DOK6: variants seen among roughly 807,000 people sequenced by gnomAD.
DOK6 encodes docking protein 6.
DOK6 carries 22 observed loss-of-function variants against 44.0 expected under a neutral mutation model. The observed-to-expected ratio is 0.50, with a 90% confidence interval of 0.36 to 0.71. The LOEUF is 0.71. DOK6 is among the 30% of genes least tolerant of loss of function. The pLI is 0.00. For missense variants in DOK6, 340 were observed against 416.4 expected (o/e 0.82, Z 1.60); for synonymous variants, 166 against 145.5 (o/e 1.14, Z -1.01).
chr18:69,697,475 T>C (rs182885478), intron 4 of DOK6, among the ~76,000 whole-genome samples: 64 of 152,324 alleles, frequency 4.2e-4, no homozygotes, highest in African/African-American at 1.4e-3. Flanking sequence ...ATGGCATAGA[T>C]GTATTTTATT....
intron 4 of DOK6, among the ~76,000 whole-genome samples, chr18:69,693,900 T>C (rs2144698754): frequency 6.6e-6 from 1 of 150,738 alleles, no homozygotes; most frequent in Non-Finnish European, 1.5e-5. Flanking sequence ...CTACTAAAAA[T>C]ACAAAAAAAT....
chr18:69,469,745 G>T, intron 1 of DOK6: 2 of 264,064 alleles, frequency 7.6e-6, no homozygotes, highest in South Asian at 6.8e-5. Flanking sequence ...GGACACGAGA[G>T]GCCAGGACGC....
rs1029872636 is a variant in DOK6, at chr18:69,841,874, A to G, written c.*491A>G. 6.3e-6 allele frequency: 1 copy of G among 158,176 alleles called. No homozygotes were observed. Among genetic ancestry groups the G allele is most frequent in the African/African-American group, 2.4e-5 (1 of 41,552 alleles). The allele number at this position is 158,176 out of a possible 1,614,324, so 9.8% of individuals were successfully genotyped here. ...TCTGCAAATGACATCGTAGCTGCATATAAATAAACCCAGTGACAATTAAAG... is the reference window on the plus strand; with the variant it reads ...TCTGCAAATGACATCGTAGCTGCATGTAAATAAACCCAGTGACAATTAAAG... On this transcript the variant is annotated 3_prime_UTR_variant, in exon 8 of 8. Transcript: ENST00000382713.
intron 2 of DOK6, among the ~76,000 whole-genome samples, chr18:69,568,038 C>G (rs1983027266): frequency 6.6e-6 from 1 of 152,226 alleles, no homozygotes; most frequent in Non-Finnish European, 1.5e-5. Flanking sequence ...CTCCCCGCGG[C>G]CTGCCTTCAG....
At position 69,659,511 on chromosome 18, in the gene DOK6, C is replaced by T. The variant is rs528598735; in HGVS notation, c.290-18223C>T. Among the ~76,000 whole-genome samples, 17 of 152,230 alleles carry T rather than the reference C, an allele frequency of 1.1e-4. 1 individual carries two copies. Among genetic ancestry groups the T allele is most frequent in the Admixed American group, 3.3e-4 (5 of 15,292 alleles). ...CCCCTGAGAAACTGAACATTGCTCACGTTTGCCAGCTGAATCCGGTTAATT... is the reference window on the plus strand; with the variant it reads ...CCCCTGAGAAACTGAACATTGCTCATGTTTGCCAGCTGAATCCGGTTAATT... On this transcript the variant is annotated intron_variant, in intron 3 of 7. Transcript: ENST00000382713.
chr18:69,720,196 A>AT (rs200164934), intron 5 of DOK6, among the ~76,000 whole-genome samples: 19 of 150,748 alleles, frequency 1.3e-4, no homozygotes, highest in Admixed American at 8.6e-4. Context: ...CAAAAAAAAA[A>AT]TTTTTTTTTT....
At chr18:69,532,916 T>A (rs1249864771) in intron 1 of DOK6, 2 of 152,156 alleles carry the variant, frequency 1.3e-5, no homozygotes, top group Admixed American at 1.3e-4. Context: ...GAAATTTCAG[T>A]GGTGGATAAA....
chr18:69,500,141 T>C (rs1268850309), intron 1 of DOK6, among the ~76,000 whole-genome samples: 4 of 152,202 alleles, frequency 2.6e-5, no homozygotes, highest in Non-Finnish European at 5.9e-5. Context: ...CCCTTCTTCA[T>C]GGCCCTCCAA....
At chr18:69,593,741 T>C (rs1246267181) in intron 2 of DOK6, among the ~76,000 whole-genome samples, 2 of 152,190 alleles carry the variant, frequency 1.3e-5, no homozygotes, top group East Asian at 1.9e-4. Flanking sequence ...GAAATCACAA[T>C]ATCTGTTCTA....
At chr18:69,599,568 T>G in intron 3 of DOK6, 70 bp downstream of exon 3, 5 of 1,249,852 alleles carry the variant, frequency 4.0e-6, no homozygotes, top group Non-Finnish European at 5.8e-6. Context: ...CCAGGCGGAT[T>G]AAGGTACACT....
rs1431905005 is a variant in DOK6 at position 69,848,705 on chromosome 18, A to T, written c.*7322A>T. On this transcript the variant is annotated 3_prime_UTR_variant, in exon 8 of 8. Coordinates refer to ENST00000382713, the MANE Select transcript of DOK6 (RefSeq NM_152721.6). Reference sequence around the variant, plus strand: ...AGTTTTTAATCTTAACCATCAATAAATAAACCTATTGTTAACAATGTCTTA... The same window carrying T: ...AGTTTTTAATCTTAACCATCAATAATTAAACCTATTGTTAACAATGTCTTA... 1 of 152,252 alleles carries T rather than the reference A, an allele frequency of 6.6e-6. No homozygotes were observed. The highest frequency in any genetic ancestry group is 2.4e-5 in the African/African-American group (1 of 41,468). 9.4% of individuals were successfully genotyped at this position (152,252 alleles called of 1,614,324 possible).
chr18:69,434,938 G>A lies in DOK6; in HGVS notation c.66+33628G>A, dbSNP rs567864383. On this transcript the variant is annotated intron_variant, in intron 1 of 7. Transcript: ENST00000382713. ...TCTGTCAAAAGAAAAAAGGGAGGGA[G>A]GGAGGGAGGGAGGGAGGGAAGGAAG... is the stretch of plus-strand genomic sequence containing the variant. Among the ~76,000 whole-genome samples, 9 of 127,878 alleles carry A rather than the reference G, an allele frequency of 7.0e-5. 1 individual carries two copies. The highest frequency in any genetic ancestry group is 2.5e-4 in the African/African-American group (9 of 36,516). 83.9% of individuals were successfully genotyped at this position (127,878 alleles called of 152,430 possible).
intron 1 of DOK6, among the ~76,000 whole-genome samples, chr18:69,514,895 C>T (rs536093724): frequency 6.1e-4 from 92 of 151,196 alleles, no homozygotes; most frequent in Non-Finnish European, 8.8e-4. Flanking sequence ...CATTGCCATT[C>T]AGCTCACTCA....
At chr18:69,818,703 C>T (rs890311538) in intron 7 of DOK6, among the ~76,000 whole-genome samples, 1 of 152,236 alleles carries the variant, frequency 6.6e-6, no homozygotes, top group Non-Finnish European at 1.5e-5. Context: ...GCTATGTTTA[C>T]ACATCCAAAG....
intron 1 of DOK6, among the ~76,000 whole-genome samples, chr18:69,505,203 C>A (rs952047554): frequency 6.6e-6 from 1 of 152,156 alleles, no homozygotes; most frequent in African/African-American, 2.4e-5. Context: ...GAACTAACTT[C>A]TTTTGTCACC....
At chr18:69,756,331 T>G (rs1230439584) in intron 6 of DOK6, among the ~76,000 whole-genome samples, 2 of 152,218 alleles carry the variant, frequency 1.3e-5, no homozygotes, top group East Asian at 3.9e-4. Flanking sequence ...TGGATGTGGA[T>G]AGTTCACCTG....
chr18:69,469,238 T>C (rs1980015966), intron 1 of DOK6, among the ~76,000 whole-genome samples: 2 of 152,214 alleles, frequency 1.3e-5, no homozygotes, highest in Non-Finnish European at 2.9e-5. Flanking sequence ...TGAGTACTGA[T>C]AATTTCATAA....
intron 3 of DOK6, among the ~76,000 whole-genome samples, chr18:69,611,947 CTT>C (rs1984150732): frequency 2.9e-5 from 2 of 68,772 alleles, no homozygotes; most frequent in African/African-American, 4.0e-5. Context: ...TTATATAAAA[CTT>C]ACACACACAC....
intron 7 of DOK6, among the ~76,000 whole-genome samples, chr18:69,826,377 A>C (rs1453115714): frequency 6.6e-6 from 1 of 152,216 alleles, no homozygotes; most frequent in Non-Finnish European, 1.5e-5. Flanking sequence ...TCTTTAGCCA[A>C]AAACATTAGT....
Sources: allele counts gnomAD v4.1 joint callset (sites outside exome capture counted in the v4.1 genomes callset), GRCh38; gene constraint gnomAD v4.1.1; transcripts MANE v1.5; gene names NCBI Gene and HGNC (gene_info 2026-07-23, HGNC 2026-07-21).